Variants in MOK observed in about 807,000 individuals in gnomAD.
MOK encodes the protein MAPK/MAK/MRK overlapping kinase.
MOK carries 59 observed loss-of-function variants against 54.2 expected under a neutral mutation model. The observed-to-expected ratio is 1.09, with a 90% CI of 0.88 to 1.35. MOK has a LOEUF of 1.35. MOK is among the 40% of genes most tolerant of loss of function. MOK has a pLI of 0.00. For synonymous variants in MOK, 210 were observed against 202.7 expected (o/e 1.04, Z -0.31); for missense variants, 517 against 526.2 (o/e 0.98, Z 0.17).
chr14:102,302,651 G>A (rs911201500), intron 1 of MOK, among the ~76,000 whole-genome samples: 4 of 151,652 alleles, frequency 2.6e-5, no homozygotes, highest in African/African-American at 7.3e-5. Flanking sequence ...TCCTGAACTC[G>A]TGATCTGCCC....
intron 1 of MOK, among the ~76,000 whole-genome samples, chr14:102,302,378 A>C (rs2139366668): frequency 6.6e-6 from 1 of 152,030 alleles, no homozygotes; most frequent in African/African-American, 2.4e-5. Context: ...CGGCCCACAA[A>C]TGTAAATTTT....
At position 102,250,993 on chromosome 14, in the gene MOK, G is replaced by A. The variant is rs753820919; in HGVS notation, c.412-3C>T. ...TCCCCTAATTTCAGGACATCCTGCT[G>A]GAAGGGGAAAGAAGCAAGGACAAGT... is the stretch of plus-strand genomic sequence containing the variant. On this transcript the variant is annotated splice_polypyrimidine_tract_variant and splice_region_variant and intron_variant, in intron 6 of 11. Coordinates refer to ENST00000361847, the MANE Select transcript of MOK (RefSeq NM_014226.3). 6.2e-7 allele frequency: 1 copy of A among 1,613,712 alleles called. No homozygotes were observed. The highest frequency in any genetic ancestry group is 8.5e-7 in the Non-Finnish European group (1 of 1,179,880).
chr14:102,251,120 C>T (rs2066495475), intron 6 of MOK, 130 bp from the exon 7 acceptor site: 1 of 981,116 alleles, frequency 1.0e-6, no homozygotes, highest in African/African-American at 1.6e-5. Context: ...ATACAAATTA[C>T]TGGCTTTCTG....
At chr14:102,239,611 C>T (rs1343269750) in intron 7 of MOK, among the ~76,000 whole-genome samples, 1 of 152,208 alleles carries the variant, frequency 6.6e-6, no homozygotes, top group Non-Finnish European at 1.5e-5. Context: ...TGGCTCACGC[C>T]TGTAATCCCA....
intron 1 of MOK, among the ~76,000 whole-genome samples, chr14:102,283,844 A>T (rs1428128787): frequency 6.6e-6 from 1 of 151,986 alleles, no homozygotes; most frequent in Non-Finnish European, 1.5e-5. Flanking sequence ...CAGTGAGGAG[A>T]GGCTCAGCTA....
chr14:102,304,849 G>A (rs949506616), intron 1 of MOK, 113 bp downstream of exon 1: 62 of 1,254,302 alleles, frequency 4.9e-5, no homozygotes, highest in Non-Finnish European at 6.1e-5. Context: ...AGCCACGGCA[G>A]AAGGCGACGA....
chr14:102,293,712 A>C (rs1329817245), intron 1 of MOK, among the ~76,000 whole-genome samples: 1 of 150,272 alleles, frequency 6.7e-6, no homozygotes. Flanking sequence ...AAAAAAAAAA[A>C]AAAAAAAAAA....
intron 2 of MOK, among the ~76,000 whole-genome samples, chr14:102,276,824 A>T (rs1237277920): frequency 1.3e-5 from 2 of 151,594 alleles, no homozygotes; most frequent in African/African-American, 2.4e-5. Context: ...AAAAAATGAA[A>T]TATGCACCAG....
chr14:102,259,225 T>C (rs1237391251), intron 4 of MOK, among the ~76,000 whole-genome samples: 4 of 152,256 alleles, frequency 2.6e-5, no homozygotes, highest in African/African-American at 9.6e-5. Flanking sequence ...TTCATTATTA[T>C]CTTATTCTTT....
intron 6 of MOK, chr14:102,251,429 G>T (rs937879754): frequency 7.0e-6 from 3 of 431,536 alleles, no homozygotes; most frequent in Admixed American, 3.2e-5. Flanking sequence ...TTAGTGGCTT[G>T]GGAGTGAGAC....
At chr14:102,217,265 C>T in the MOK span, among the ~76,000 whole-genome samples, 1 of 152,212 alleles carries the variant, frequency 6.6e-6, no homozygotes, top group Non-Finnish European at 1.5e-5. Flanking sequence ...TGCTGGTCTC[C>T]ATCAGTGAAC....
chr14:102,229,918 C>T (rs528008540), intron 10 of MOK: 5 of 455,286 alleles, frequency 1.1e-5, no homozygotes, highest in Admixed American at 4.0e-5. Flanking sequence ...AAAGGGCTCG[C>T]GGGCTGTGGT....
chr14:102,241,998 G>T (rs1243413855), intron 7 of MOK, among the ~76,000 whole-genome samples: 1 of 152,180 alleles, frequency 6.6e-6, no homozygotes, highest in African/African-American at 2.4e-5. Flanking sequence ...ACTGGAAATC[G>T]GACTGTCCAA....
intron 2 of MOK, among the ~76,000 whole-genome samples, chr14:102,273,108 T>A (rs578204018): frequency 3.2e-4 from 49 of 151,996 alleles, no homozygotes; most frequent in Non-Finnish European, 6.0e-4. Context: ...AGGTGGAGGT[T>A]GCAGTGAGCT....
In MOK at chr14:102,240,168, T is replaced by C. The variant is rs2065594441; in HGVS notation, c.591-6379A>G. 6.6e-6 allele frequency among the ~76,000 whole-genome samples: 1 copy of C among 152,190 alleles called. No homozygotes were observed. Among genetic ancestry groups the C allele is most frequent in the Non-Finnish European group, 1.5e-5 (1 of 68,044 alleles). On this transcript the variant is annotated intron_variant, in intron 7 of 11. Coordinates refer to ENST00000361847, the MANE Select transcript of MOK (RefSeq NM_014226.3). The surrounding 1 kb of genome is among the most constrained non-coding windows in gnomAD (Gnocchi z 5.4). ...GAACAACCCCCTTTGACTGTAATTT[T>C]CCACTACCTACCCAAATCCTATAAA...
At chr14:102,258,704 G>T (rs1004498768) in intron 4 of MOK, among the ~76,000 whole-genome samples, 1 of 152,172 alleles carries the variant, frequency 6.6e-6, no homozygotes, top group African/African-American at 2.4e-5. Flanking sequence ...TCAACAAAAA[G>T]AAATCTACCC....
intron 1 of MOK, among the ~76,000 whole-genome samples, chr14:102,302,814 T>C (rs573590221): frequency 6.6e-6 from 1 of 151,280 alleles, no homozygotes; most frequent in Non-Finnish European, 1.5e-5. Flanking sequence ...ATATAATATA[T>C]ATAGAGAGAG....
chr14:102,249,106 G>C lies in MOK; in HGVS notation c.590+1706C>G, dbSNP rs1438112260. Among the ~76,000 whole-genome samples, 2 of 151,744 alleles carry C rather than the reference G, an allele frequency of 1.3e-5. No individual in the cohort carries two copies. The highest frequency in any genetic ancestry group is 3.9e-4 in the East Asian group (2 of 5,188). On this transcript the variant is annotated intron_variant, in intron 7 of 11. Coordinates refer to ENST00000361847, the MANE Select transcript of MOK (RefSeq NM_014226.3). The surrounding 1 kb of genome is among the most constrained non-coding windows in gnomAD (Gnocchi z 5.3). The stretch of plus-strand genomic sequence containing the variant: ...CAGCCTGGCGTGTGCAGCGACCTTA[G>C]CTGCTGGGAGGCTCCACTCTCCCTT...
intron 1 of MOK, among the ~76,000 whole-genome samples, chr14:102,286,826 C>T (rs552815986): frequency 6.6e-6 from 1 of 151,932 alleles, no homozygotes; most frequent in Admixed American, 6.6e-5. Context: ...AGGAGAATCA[C>T]TTCAACCAGG....
Sources: gnomAD v4.1 joint callset for allele counts (sites outside exome capture counted in the v4.1 genomes callset) on GRCh38, gnomAD v4.1.1 for gene constraint, Gnocchi (gnomAD v3.1) non-coding constraint, MANE v1.5 for transcripts, NCBI Gene and HGNC (gene_info 2026-07-23, HGNC 2026-07-21) for gene names.